The following PHACTR3 variants were observed in gnomAD, a reference collection of about 807,000 sequenced individuals.
The protein encoded by PHACTR3 is phosphatase and actin regulator 3.
In PHACTR3, 16 loss-of-function variants were observed where a neutral mutation model predicts 66.8. The observed-to-expected ratio is 0.24, with a 90% confidence interval of 0.16 to 0.36. The LOEUF is 0.36. Ranked by LOEUF, PHACTR3 falls within the 10% of genes least tolerant of loss-of-function variation. The pLI is 1.00. For missense variants in PHACTR3, 647 were observed against 719.9 expected (o/e 0.90, Z 1.16); for synonymous variants, 323 against 292.1 (o/e 1.11, Z -1.08).
At chr20:59,664,754 T>C (rs1436631048) in intron 1 of PHACTR3, among the ~76,000 whole-genome samples, 1 of 152,224 alleles carries the variant, frequency 6.6e-6, no homozygotes, top group Non-Finnish European at 1.5e-5. Context: ...GGTTCAAGTC[T>C]CACCTCCACC....
At chr20:59,578,762 A>C (rs1459146573) in intron 1 of PHACTR3, among the ~76,000 whole-genome samples, 1 of 152,168 alleles carries the variant, frequency 6.6e-6, no homozygotes, top group East Asian at 1.9e-4. Context: ...CAAAGTCAAG[A>C]AAGGAGGACA....
intron 1 of PHACTR3, among the ~76,000 whole-genome samples, chr20:59,688,014 AGCAGCCTCAG>A (rs781222016): frequency 5.9e-4 from 90 of 152,178 alleles, no homozygotes; most frequent in Non-Finnish European, 8.8e-4. Context: ...ACAAGCAGAG[AGCAGCCTCAG>A]GCACAGAACC....
chr20:59,800,443 T>C (rs2041377849), intron 7 of PHACTR3, among the ~76,000 whole-genome samples: 1 of 152,212 alleles, frequency 6.6e-6, no homozygotes, highest in Admixed American at 6.5e-5. Flanking sequence ...CCGAGTTGTC[T>C]GGGGTTTTTT....
rs965325817 is a variant in PHACTR3 at position 59,597,112 on chromosome 20, TGAGCTG to T, written c.109+19503_109+19508del. Among the ~76,000 whole-genome samples, 34 of 152,356 alleles carry T rather than the reference TGAGCTG, an allele frequency of 2.2e-4. 1 individual carries two copies. The highest frequency in any genetic ancestry group is 7.7e-4 in the African/African-American group (32 of 41,588). ...TGGTGGGTTGGGGAGGCCAGAGGGATGAGCTGGAGCTGGTATTATGGAAAGAATGTA... is the reference window on the plus strand; with the variant it reads ...TGGTGGGTTGGGGAGGCCAGAGGGATGAGCTGGTATTATGGAAAGAATGTA... On this transcript the variant is annotated intron_variant, in intron 1 of 12. Coordinates refer to the PHACTR3 transcript ENST00000359926.
intron 8 of PHACTR3, among the ~76,000 whole-genome samples, chr20:59,814,147 G>C (rs1568848328): frequency 6.6e-6 from 1 of 152,180 alleles, no homozygotes; most frequent in African/African-American, 2.4e-5. Context: ...GGTCAGGAGC[G>C]AGGGCATGTC....
intron 3 of PHACTR3, among the ~76,000 whole-genome samples, chr20:59,748,627 C>A (rs964898458): frequency 3.3e-5 from 5 of 152,312 alleles, no homozygotes; most frequent in South Asian, 2.1e-4. Flanking sequence ...GATGCTGACA[C>A]TAGCCCTTGG....
intron 1 of PHACTR3, among the ~76,000 whole-genome samples, chr20:59,735,600 A>G (rs2038918368): frequency 6.6e-6 from 1 of 152,152 alleles, no homozygotes; most frequent in Non-Finnish European, 1.5e-5. Flanking sequence ...GTGGACATCA[A>G]AGTCAGATGG....
At chr20:59,804,326 A>G (rs1404214192) in intron 7 of PHACTR3, among the ~76,000 whole-genome samples, 1 of 152,222 alleles carries the variant, frequency 6.6e-6, no homozygotes, top group Non-Finnish European at 1.5e-5. Flanking sequence ...GTTAAGAGCA[A>G]ATACGATTGA....
chr20:59,847,022 A>C, intron 12 of PHACTR3, 93 bp from the exon 13 acceptor site: 1 of 867,614 alleles, frequency 1.2e-6, no homozygotes, highest in Non-Finnish European at 1.9e-6. Context: ...GAATCTTTTT[A>C]ATAGCAGCAA....
At chr20:59,659,872 G>C (rs2035753072) in intron 1 of PHACTR3, among the ~76,000 whole-genome samples, 1 of 152,088 alleles carries the variant, frequency 6.6e-6, no homozygotes, top group African/African-American at 2.4e-5. Flanking sequence ...CAGATGCAGG[G>C]GTCACAGAGA....
At chr20:59,770,766 C>T (rs1171849117) in intron 5 of PHACTR3, among the ~76,000 whole-genome samples, 1 of 152,204 alleles carries the variant, frequency 6.6e-6, no homozygotes, top group African/African-American at 2.4e-5. Context: ...TGCAGGAGGT[C>T]CTTTGCATTC....
intron 4 of PHACTR3, among the ~76,000 whole-genome samples, chr20:59,758,289 T>A (rs940783087): frequency 6.6e-6 from 1 of 151,508 alleles, no homozygotes; most frequent in Non-Finnish European, 1.5e-5. Flanking sequence ...AGTTTAAACA[T>A]TAATAATGAA....
At chr20:59,632,137 A>C (rs1250904316) in intron 1 of PHACTR3, among the ~76,000 whole-genome samples, 1 of 152,048 alleles carries the variant, frequency 6.6e-6, no homozygotes, top group Non-Finnish European at 1.5e-5. Flanking sequence ...GGCCATGATG[A>C]GCCATGGCAG....
rs74716842 is a variant in PHACTR3, at chr20:59,670,985, T to A, written c.118+65853T>A. On this transcript the variant is annotated intron_variant, in intron 1 of 12. Coordinates refer to ENST00000371015, the MANE Select transcript of PHACTR3 (RefSeq NM_080672.5). ...GCTAGAGGCATGCTTTCTGTGCTCA[T>A]GTGCGCATGCTTTCTCAGCAACCTT... Among the ~76,000 whole-genome samples, 892 of 152,326 alleles carry A rather than the reference T, an allele frequency of 5.9e-3. 11 individuals are homozygous for A. The highest frequency in any genetic ancestry group is 0.043 in the East Asian group (221 of 5,168).
At chr20:59,722,824 C>T (rs557787846) in intron 1 of PHACTR3, among the ~76,000 whole-genome samples, 1 of 150,064 alleles carries the variant, frequency 6.7e-6, no homozygotes, top group Non-Finnish European at 1.5e-5. Context: ...CCTCTGCTCA[C>T]GGTGGGGGCA....
chr20:59,813,578 T>TG (rs2041801773), intron 8 of PHACTR3, among the ~76,000 whole-genome samples: 1 of 152,164 alleles, frequency 6.6e-6, no homozygotes, highest in Non-Finnish European at 1.5e-5. Flanking sequence ...GATAAATTAT[T>TG]GTGTCTGGTG....
At chr20:59,805,172 C>A (rs2041528945) in intron 7 of PHACTR3, among the ~76,000 whole-genome samples, 1 of 152,242 alleles carries the variant, frequency 6.6e-6, no homozygotes, top group Non-Finnish European at 1.5e-5. Context: ...AAGAGCTAAA[C>A]CCCATCTCTG....
Position 59,738,439 on chromosome 20 carries a change from T to C in PHACTR3, c.119-4668T>C, listed in dbSNP as rs893841656. ...GCAGGAAGTGATAGGGTTAGAGCTC[T>C]ATTTCTAAGACATCGGATCACAGGA... On this transcript the variant is annotated intron_variant, in intron 1 of 12. Transcript: ENST00000371015. The surrounding 1 kb of genome is among the most constrained non-coding windows in gnomAD (Gnocchi z 4.4). Among the ~76,000 whole-genome samples the C allele has an allele frequency of 7.0e-6, 1 of 142,706 alleles. No individual in the cohort carries two copies. The highest frequency in any genetic ancestry group is 1.5e-5 in the Non-Finnish European group (1 of 65,692). 93.6% of individuals were successfully genotyped at this position (142,706 alleles called of 152,430 possible).
At chr20:59,662,272 G>A (rs1234615797) in intron 1 of PHACTR3, among the ~76,000 whole-genome samples, 2 of 152,162 alleles carry the variant, frequency 1.3e-5, no homozygotes, top group African/African-American at 4.8e-5. Context: ...TTAGGATATG[G>A]TGGGGGCATT....
Sources: gnomAD v4.1 joint callset for allele counts (sites outside exome capture counted in the v4.1 genomes callset) on GRCh38, gnomAD v4.1.1 for gene constraint, Gnocchi (gnomAD v3.1) non-coding constraint, MANE v1.5 for transcripts, NCBI Gene and HGNC (gene_info 2026-07-23, HGNC 2026-07-21) for gene names.